ATP6V1C2: variants seen among roughly 807,000 people sequenced by gnomAD.
The protein encoded by ATP6V1C2 is ATPase H+ transporting V1 subunit C2.
A neutral mutation model predicts 56.8 loss-of-function variants in ATP6V1C2; 45 were observed. The observed-to-expected ratio is 0.79, with a 90% confidence interval of 0.62 to 1.02. The LOEUF (loss-of-function observed/expected upper bound fraction) is 1.02, where lower values mean the gene tolerates loss of function less well. Among genes scored for constraint, ATP6V1C2 ranks in the 50% least tolerant of loss-of-function variants. The probability of loss-of-function intolerance (pLI) is 0.00; values close to 1 mark genes in which losing one functional copy is unlikely to be tolerated. For missense variants in ATP6V1C2, 463 were observed against 519.7 expected, an observed-to-expected ratio of 0.89 and a Z score of 1.06; for synonymous variants, 220 against 201.3, an observed-to-expected ratio of 1.09 and a Z score of -0.79.
chr2:10,741,711 TG>T (rs1662560650), intron 3 of ATP6V1C2, among the ~76,000 whole-genome samples: 1 of 126 alleles, frequency 7.9e-3, no homozygotes, highest in African/African-American at 8.2e-3. Flanking sequence ...TCTGGGCCTC[TG>T]TGCACTCCAT....
rs1262357967 is a variant in ATP6V1C2 at position 10,778,677 on chromosome 2, G to A, written c.1061+8G>A. ...TGTGGAGTCCGTGCTCAGGTGCGTG[G>A]CAGTGATGCCCCGGCTGGGACTGTC... is the stretch of plus-strand genomic sequence containing the variant. On this transcript the variant is annotated splice_region_variant and intron_variant, in intron 12 of 13. Coordinates refer to ENST00000272238, the MANE Select transcript of ATP6V1C2 (RefSeq NM_001039362.2). The A allele has an allele frequency of 1.9e-6, 3 of 1,613,904 alleles. No individual in the cohort carries two copies. Among genetic ancestry groups the A allele is most frequent in the Admixed American group, 3.3e-5 (2 of 60,036 alleles).
intron 8 of ATP6V1C2, among the ~76,000 whole-genome samples, 154 bp downstream of exon 8, chr2:10,772,764 G>C (rs899967593): frequency 2.0e-5 from 3 of 152,114 alleles, no homozygotes; most frequent in African/African-American, 4.8e-5. Context: ...TTCTGTCAGG[G>C]TCGCCCACCT....
chr2:10,778,351 C>T (rs1307502095), intron 11 of ATP6V1C2: 2 of 564,194 alleles, frequency 3.5e-6, no homozygotes, highest in South Asian at 2.0e-5. Context: ...TGGCCCCGTG[C>T]ATGCACCGGG....
intron 4 of ATP6V1C2, among the ~76,000 whole-genome samples, chr2:10,761,667 C>T (rs1663915509): frequency 6.6e-6 from 1 of 152,184 alleles, no homozygotes; most frequent in African/African-American, 2.4e-5. Context: ...TTGTAGACGG[C>T]CACCTTCTTG....
At chr2:10,727,605 G>A (rs114808760) in intron 3 of ATP6V1C2, among the ~76,000 whole-genome samples, 2,416 of 152,066 alleles carry the variant, frequency 0.016, 59 homozygotes, top group African/African-American at 0.055. Context: ...TATAGTGAAA[G>A]TGAAGGTTTC....
intron 5 of ATP6V1C2, 52 bp from the exon 6 acceptor site, chr2:10,768,667 C>T: frequency 6.7e-7 from 1 of 1,499,662 alleles, no homozygotes; most frequent in Non-Finnish European, 9.3e-7. Context: ...AAAAGTTCAG[C>T]CAACTCCTTC....
chr2:10,762,750 C>T (rs147925335), intron 4 of ATP6V1C2, among the ~76,000 whole-genome samples: 22 of 152,258 alleles, frequency 1.4e-4, no homozygotes, highest in Middle Eastern at 6.8e-3. Flanking sequence ...GCACTTCCCT[C>T]CCTCCACCCA....
chr2:10,760,069 T>A (rs1435681140), intron 4 of ATP6V1C2, among the ~76,000 whole-genome samples: 1 of 143,618 alleles, frequency 7.0e-6, no homozygotes, highest in African/African-American at 2.6e-5. Context: ...AATATATAAA[T>A]CTTATTTTAA....
chr2:10,730,147 G>C (rs945180024), intron 3 of ATP6V1C2, among the ~76,000 whole-genome samples: 5 of 152,008 alleles, frequency 3.3e-5, no homozygotes, highest in African/African-American at 1.2e-4. Context: ...ACAGAATCTT[G>C]CTCTGTTGCC....
At chr2:10,757,482 CTG>C in intron 4 of ATP6V1C2, 1 of 398,590 alleles carries the variant, frequency 2.5e-6, no homozygotes, top group Non-Finnish European at 4.4e-6. Context: ...TTTGCTGTGT[CTG>C]TGCTTGGCGT....
At chr2:10,727,044 C>A (rs1240430326) in intron 3 of ATP6V1C2, among the ~76,000 whole-genome samples, 2 of 150,612 alleles carry the variant, frequency 1.3e-5, no homozygotes, top group Non-Finnish European at 3.0e-5. Context: ...AGCCTTCCTT[C>A]CTTCCTTCCT....
At chr2:10,749,869 ATAG>A (rs1304630093) in intron 3 of ATP6V1C2, among the ~76,000 whole-genome samples, 1 of 152,216 alleles carries the variant, frequency 6.6e-6, no homozygotes, top group African/African-American at 2.4e-5. Context: ...CAAATGTCCA[ATAG>A]TAGAGAATTT....
intron 3 of ATP6V1C2, among the ~76,000 whole-genome samples, chr2:10,737,503 A>G (rs1191443293): frequency 6.6e-6 from 1 of 152,036 alleles, no homozygotes; most frequent in African/African-American, 2.4e-5. Context: ...TTGTGACCTA[A>G]TATATTGCCT....
In ATP6V1C2 at chr2:10,763,444, AG is replaced by A. The variant is rs913577239; in HGVS notation, c.284-882del. Among the ~76,000 whole-genome samples, 2 of 152,104 alleles carry A rather than the reference AG, an allele frequency of 1.3e-5. No homozygotes were observed. Among genetic ancestry groups the A allele is most frequent in the Non-Finnish European group, 2.9e-5 (2 of 68,000 alleles). On this transcript the variant is annotated intron_variant, in intron 4 of 13. Transcript: ENST00000272238. This position sits in a 1 kb window ranked among gnomAD's most constrained non-coding sequence, Gnocchi z 4.2. The stretch of plus-strand genomic sequence containing the variant: ...AGGGGTCTCCCTGTGGACCTTGGGC[AG>A]GGGGTGGTGTCTAGTGTGTGTCCCC...
At chr2:10,758,043 T>C (rs768832742) in intron 4 of ATP6V1C2, among the ~76,000 whole-genome samples, 20 of 152,222 alleles carry the variant, frequency 1.3e-4, no homozygotes, top group Non-Finnish European at 2.6e-4. Context: ...TTGGCAGTTA[T>C]CAAATGCCTT....
chr2:10,784,360 C>T lies in ATP6V1C2; in HGVS notation c.*1097C>T. 1.3e-6 allele frequency: 2 copies of T among 1,547,884 alleles called. No homozygotes were observed. The highest frequency in any genetic ancestry group is 1.8e-6 in the Non-Finnish European group (2 of 1,125,650). On this transcript the variant is annotated 3_prime_UTR_variant, in exon 14 of 14. Transcript: ENST00000272238. The stretch of plus-strand genomic sequence containing the variant: ...CGACAGAAAGCCACTGTTAGATCTG[C>T]AGAAGGGGACACCCTGGAAGGTCAA...
chr2:10,724,019 C>A (rs1037352417), intron 2 of ATP6V1C2, among the ~76,000 whole-genome samples: 4 of 151,888 alleles, frequency 2.6e-5, no homozygotes, highest in Non-Finnish European at 5.9e-5. Flanking sequence ...GCCTCGGCCT[C>A]CCAAAGTGCT....
intron 5 of ATP6V1C2, among the ~76,000 whole-genome samples, chr2:10,766,809 A>G (rs932632082): frequency 1.3e-5 from 2 of 151,338 alleles, no homozygotes; most frequent in African/African-American, 4.9e-5. Flanking sequence ...ACAGTTGTAC[A>G]GTATACTTCT....
At chr2:10,769,238 A>G (rs569331155) in intron 6 of ATP6V1C2, among the ~76,000 whole-genome samples, 1 of 152,320 alleles carries the variant, frequency 6.6e-6, no homozygotes, top group East Asian at 1.9e-4. Flanking sequence ...TCAGGGACTC[A>G]GGTGCCTTCT....
Sources: allele counts gnomAD v4.1 joint callset (sites outside exome capture counted in the v4.1 genomes callset), GRCh38; gene constraint gnomAD v4.1.1; non-coding constraint Gnocchi (gnomAD v3.1); transcripts MANE v1.5; gene names NCBI Gene and HGNC (gene_info 2026-07-23, HGNC 2026-07-21).